GRM7: variants seen among roughly 807,000 people sequenced by gnomAD.
GRM7 encodes metabotropic glutamate receptor 7.
GRM7 carries 35 observed loss-of-function variants against 84.5 expected under a neutral mutation model. The ratio of observed to expected loss-of-function variants is 0.41; its 90% confidence interval spans 0.32 to 0.55. The LOEUF is 0.55. GRM7 is among the 20% of genes least tolerant of loss of function. The pLI is 0.19. For missense variants in GRM7, 1,003 were observed against 1,194.6 expected (o/e 0.84, Z 2.36); for synonymous variants, 487 against 455.1 (o/e 1.07, Z -0.89).
chr3:7,656,614 G>C (rs1407491602), intron 8 of GRM7, among the ~76,000 whole-genome samples: 1 of 151,496 alleles, frequency 6.6e-6, no homozygotes, highest in Non-Finnish European at 1.5e-5. Context: ...AGCAGGTCGT[G>C]TTTTATGTCC....
At chr3:7,350,529 C>T (rs1379725205) in intron 4 of GRM7, among the ~76,000 whole-genome samples, 1 of 151,886 alleles carries the variant, frequency 6.6e-6, no homozygotes, top group Non-Finnish European at 1.5e-5. Flanking sequence ...AAGCAGAAGC[C>T]ACTATGCTTC....
chr3:7,510,930 A>G (rs564330162), intron 7 of GRM7, among the ~76,000 whole-genome samples: 4 of 152,286 alleles, frequency 2.6e-5, no homozygotes, highest in South Asian at 4.1e-4. Flanking sequence ...AAAGTCTAAA[A>G]TATTTACTCC....
intron 9 of GRM7, among the ~76,000 whole-genome samples, chr3:7,692,977 C>CTTTT (rs376324014): frequency 1.4e-5 from 2 of 143,526 alleles, no homozygotes; most frequent in Admixed American, 7.0e-5. Context: ...TTCTTTCTTT[C>CTTTT]TTTTTTTTTT....
chr3:7,278,727 A>G (rs1020936575), intron 2 of GRM7, among the ~76,000 whole-genome samples: 1 of 152,174 alleles, frequency 6.6e-6, no homozygotes, highest in African/African-American at 2.4e-5. Flanking sequence ...AAATTATGAT[A>G]AGAACCATGA....
At chr3:6,912,471 C>T (rs1416690213) in intron 1 of GRM7, among the ~76,000 whole-genome samples, 2 of 152,320 alleles carry the variant, frequency 1.3e-5, no homozygotes, top group Non-Finnish European at 2.9e-5. Flanking sequence ...GGCCCACCAA[C>T]AAGCTCATCC....
intron 9 of GRM7, among the ~76,000 whole-genome samples, chr3:7,735,497 T>C (rs73123759): frequency 7.7e-4 from 106 of 137,884 alleles, no homozygotes; most frequent in African/African-American, 3.0e-3. Flanking sequence ...GGTTTTAATA[T>C]GCTCTTAAAA....
intron 9 of GRM7, among the ~76,000 whole-genome samples, chr3:7,702,247 C>T (rs1191326979): frequency 6.6e-6 from 1 of 152,174 alleles, no homozygotes; most frequent in Non-Finnish European, 1.5e-5. Flanking sequence ...ATGTCCATAC[C>T]ATCACCCAAG....
intron 1 of GRM7, among the ~76,000 whole-genome samples, chr3:6,973,402 A>G (rs1460372955): frequency 2.6e-5 from 4 of 152,198 alleles, no homozygotes; most frequent in African/African-American, 9.7e-5. Flanking sequence ...CTTGCATGCC[A>G]GTAGTAGGGA....
At chr3:6,908,460 C>G (rs1575000674) in intron 1 of GRM7, among the ~76,000 whole-genome samples, 1 of 152,256 alleles carries the variant, frequency 6.6e-6, no homozygotes, top group Admixed American at 6.5e-5. Flanking sequence ...ATGTGTTTTT[C>G]CCTCATTTCG....
chr3:7,099,224 CATGTATTATACATGTATATATG>C (rs1698966558), intron 1 of GRM7, among the ~76,000 whole-genome samples: 2 of 114,478 alleles, frequency 1.7e-5, no homozygotes, highest in African/African-American at 1.2e-4. Flanking sequence ...TATAATAATA[CATGTATTATACATGTATATATG>C]AATACATGTA....
chr3:6,983,715 C>T (rs1340158521), intron 1 of GRM7, among the ~76,000 whole-genome samples: 2 of 152,052 alleles, frequency 1.3e-5, no homozygotes, highest in Non-Finnish European at 1.5e-5. Flanking sequence ...AACATTATAG[C>T]AGAACCTGGC....
intron 2 of GRM7, among the ~76,000 whole-genome samples, chr3:7,209,658 G>T (rs1484364291): frequency 2.0e-5 from 3 of 152,172 alleles, no homozygotes; most frequent in Admixed American, 6.5e-5. Context: ...GTCTGTTGAC[G>T]AGGTAGCTCA....
At chr3:7,049,551 C>A (rs1696921683) in intron 1 of GRM7, among the ~76,000 whole-genome samples, 1 of 151,754 alleles carries the variant, frequency 6.6e-6, no homozygotes, top group African/African-American at 2.4e-5. Flanking sequence ...GAGACAAATC[C>A]AAACCATATC....
Position 7,220,672 on chromosome 3 carries a change from T to G in GRM7, c.736+74004T>G, listed in dbSNP as rs368610816. ...GATACGTCAACATTGGTTGATTAAT[T>G]GTGACAAGTGCTGCATATTAATTAA... is the stretch of plus-strand genomic sequence containing the variant. On this transcript the variant is annotated intron_variant, in intron 2 of 9. Transcript: ENST00000357716. Among the ~76,000 whole-genome samples, 47 of 152,340 alleles carry G rather than the reference T, an allele frequency of 3.1e-4. No individual in the cohort carries two copies. The South Asian group carries it at 8.9e-3, about 29-fold the overall frequency.
chr3:7,335,880 A>G (rs73132247), intron 4 of GRM7, among the ~76,000 whole-genome samples: 3,595 of 152,196 alleles, frequency 0.024, 75 homozygotes, highest in African/African-American at 0.052. Context: ...TGAACAGACC[A>G]ATAACAAGCA....
At chr3:7,299,428 G>T (rs182585731) in intron 3 of GRM7, among the ~76,000 whole-genome samples, 2 of 151,974 alleles carry the variant, frequency 1.3e-5, no homozygotes, top group Admixed American at 6.6e-5. Context: ...AACCTGGTCC[G>T]GAGTCCTTAT....
chr3:7,190,514 A>T (rs1695675423), intron 2 of GRM7, among the ~76,000 whole-genome samples: 1 of 152,122 alleles, frequency 6.6e-6, no homozygotes. Context: ...TTTGGAGGCA[A>T]GATTAGACAA....
intron 1 of GRM7, among the ~76,000 whole-genome samples, chr3:7,021,611 T>C (rs1211868732): frequency 6.6e-6 from 1 of 152,180 alleles, no homozygotes; most frequent in Non-Finnish European, 1.5e-5. Flanking sequence ...ACCTAGAATA[T>C]CTTAGAGCAA....
intron 1 of GRM7, among the ~76,000 whole-genome samples, chr3:7,111,383 G>A (rs1377295094): frequency 6.6e-6 from 1 of 152,150 alleles, no homozygotes; most frequent in Non-Finnish European, 1.5e-5. Context: ...GGATTTGTGA[G>A]GGCCTGGTAC....
Sources: allele counts gnomAD v4.1 joint callset (sites outside exome capture counted in the v4.1 genomes callset), GRCh38; gene constraint gnomAD v4.1.1; transcripts MANE v1.5; gene names NCBI Gene and HGNC (gene_info 2026-07-23, HGNC 2026-07-21).